Variants in USH2A observed in about 807,000 individuals in gnomAD.
The protein encoded by USH2A is usherin.
In USH2A, 443 loss-of-function variants were observed where a neutral mutation model predicts 538.9. That is an observed-to-expected ratio of 0.82 (90% CI 0.76 to 0.89). USH2A has a LOEUF of 0.89. Among genes scored for constraint, USH2A ranks in the 40% least tolerant of loss-of-function variants. The probability of loss-of-function intolerance (pLI) is 0.00; values close to 1 mark genes in which losing one functional copy is unlikely to be tolerated. For synonymous variants in USH2A, 2,413 were observed against 2,273.5 expected, an observed-to-expected ratio of 1.06 and a Z score of -1.75; for missense variants, 6,633 against 6,324.8, an observed-to-expected ratio of 1.05 and a Z score of -1.65.
Position 215,879,095 on chromosome 1 carries a change from T to G in USH2A, c.8227A>C (p.Thr2743Pro). 6.2e-7 allele frequency: 1 copy of G among 1,612,496 alleles called. No individual in the cohort carries two copies. Among genetic ancestry groups the G allele is most frequent in the Non-Finnish European group, 8.5e-7 (1 of 1,178,728 alleles). Residue 2743 changes from threonine to proline, a missense_variant, in exon 42 of 72, where the codon ACT becomes CCT. Thr to Pro is a conservative substitution (Grantham distance 38). Transcript: ENST00000307340. The stretch of plus-strand genomic sequence containing the variant: ...TTCTGGATGAGTGGGGGTTTCCAAG[T>G]GACCTGAAATGAAAGATAAACTTAG... The part of the protein sequence containing the change: ...TVLEPDAVQV[T>P]WKPPLIQNGD...
intron 3 of USH2A, among the ~76,000 whole-genome samples, chr1:216,399,629 G>T (rs2102758389): frequency 6.6e-6 from 1 of 152,174 alleles, no homozygotes; most frequent in South Asian, 2.1e-4. Flanking sequence ...GAGACCAGCA[G>T]GAAGCTCAGC....
intron 64 of USH2A, among the ~76,000 whole-genome samples, chr1:215,656,607 T>C (rs898478777): frequency 2.0e-5 from 3 of 152,238 alleles, no homozygotes; most frequent in Non-Finnish European, 4.4e-5. Flanking sequence ...TGGAGCAATT[T>C]GAGATTTTTG....
At position 216,119,402 on chromosome 1, in the gene USH2A, G is replaced by A. The variant is rs540583330; in HGVS notation, c.4628-22189C>T. ...GGAACTGAGTTGTTTAGCTTTGTGA[G>A]TATCAGTTGCTACTCTAATATTACA... On this transcript the variant is annotated intron_variant, in intron 21 of 71. Transcript: ENST00000307340. Among the ~76,000 whole-genome samples, 8 of 151,832 alleles carry A rather than the reference G, an allele frequency of 5.3e-5. No individual in the cohort carries two copies. In the East Asian group the frequency reaches 1.6e-3, roughly 29 times the overall value.
At chr1:215,733,141 G>A (rs1251564083) in intron 60 of USH2A, among the ~76,000 whole-genome samples, 4 of 142,092 alleles carry the variant, frequency 2.8e-5, no homozygotes, top group South Asian at 4.8e-4. Flanking sequence ...ATGATGGAAG[G>A]TGAAGAAAGA....
chr1:216,097,494 C>T (rs1436378308), intron 21 of USH2A, among the ~76,000 whole-genome samples: 1 of 152,102 alleles, frequency 6.6e-6, no homozygotes, highest in South Asian at 2.1e-4. Context: ...TATTGTCAAC[C>T]CAAAATTGGA....
chr1:216,370,247 G>C (rs2038680764), intron 3 of USH2A, among the ~76,000 whole-genome samples: 1 of 151,946 alleles, frequency 6.6e-6, no homozygotes, highest in Admixed American at 6.6e-5. Context: ...TGTAATTACA[G>C]CTACTTGGGA....
intron 47 of USH2A, among the ~76,000 whole-genome samples, chr1:215,823,849 G>A (rs1222933131): frequency 6.6e-6 from 1 of 151,890 alleles, no homozygotes; most frequent in Non-Finnish European, 1.5e-5. Context: ...TTCAGCAGAT[G>A]TATTTCTCAG....
chr1:216,005,102 T>C (rs185111434), intron 32 of USH2A, among the ~76,000 whole-genome samples: 5 of 152,232 alleles, frequency 3.3e-5, no homozygotes, highest in Non-Finnish European at 4.4e-5. Flanking sequence ...GATGTAACAT[T>C]CTCCCTATTT....
chr1:215,833,692 T>A (rs1663393761), intron 47 of USH2A, among the ~76,000 whole-genome samples: 1 of 151,918 alleles, frequency 6.6e-6, no homozygotes, highest in Non-Finnish European at 1.5e-5. Flanking sequence ...AAGTAACAAA[T>A]CTAACTCTCT....
chr1:216,349,771 A>C (rs535294264), intron 4 of USH2A, among the ~76,000 whole-genome samples: 1 of 152,326 alleles, frequency 6.6e-6, no homozygotes, highest in Admixed American at 6.5e-5. Flanking sequence ...GGCAACCAGC[A>C]GTCCTTGGGG....
intron 61 of USH2A, among the ~76,000 whole-genome samples, chr1:215,681,472 G>C (rs1406907326): frequency 6.6e-6 from 1 of 152,128 alleles, no homozygotes; most frequent in East Asian, 1.9e-4. Context: ...TTAGATGTTT[G>C]AATGTGATAC....
At chr1:216,203,954 G>A (rs1213013585) in intron 16 of USH2A, 1 of 160,666 alleles carries the variant, frequency 6.2e-6, no homozygotes, top group Non-Finnish European at 1.5e-5. Context: ...TGAATCTGGG[G>A]AGTCAGGGTG....
At chr1:216,386,555 A>G (rs1054039007) in intron 3 of USH2A, among the ~76,000 whole-genome samples, 3 of 148,074 alleles carry the variant, frequency 2.0e-5, no homozygotes, top group Non-Finnish European at 4.5e-5. Flanking sequence ...ATATATATAT[A>G]TATATATATA....
intron 61 of USH2A, among the ~76,000 whole-genome samples, chr1:215,688,884 G>A (rs1658515264): frequency 6.6e-6 from 1 of 152,094 alleles, no homozygotes; most frequent in Non-Finnish European, 1.5e-5. Flanking sequence ...GGTCAAGAGA[G>A]GGAGGGGAGA....
At position 215,956,023 on chromosome 1, in the gene USH2A, T is replaced by G. The variant is rs183784806; in HGVS notation, c.7120+9294A>C. On this transcript the variant is annotated intron_variant, in intron 37 of 71. Coordinates refer to ENST00000307340, the MANE Select transcript of USH2A (RefSeq NM_206933.4). Reference sequence around the variant, plus strand: ...GCTAGAGAAGGACATTGGCCCCAGATGGCTAGATTTTTTTTCTATTTCTCT... The same window carrying G: ...GCTAGAGAAGGACATTGGCCCCAGAGGGCTAGATTTTTTTTCTATTTCTCT... Among the ~76,000 whole-genome samples the G allele has an allele frequency of 1.4e-3, 209 of 152,254 alleles. 2 individuals carry two copies. Among genetic ancestry groups the G allele is most frequent in the Admixed American group, 6.1e-3 (94 of 15,290 alleles).
intron 3 of USH2A, among the ~76,000 whole-genome samples, chr1:216,403,809 G>A (rs1470453324): frequency 2.0e-5 from 3 of 152,142 alleles, no homozygotes; most frequent in South Asian, 4.1e-4. Context: ...TGTCTAGGGA[G>A]GCACCTGGCG....
At chr1:216,060,778 C>T (rs17646617) in intron 30 of USH2A, among the ~76,000 whole-genome samples, 268 of 152,174 alleles carry the variant, frequency 1.8e-3, no homozygotes, top group Non-Finnish European at 3.1e-3. Context: ...AAAAATAATT[C>T]GTATATGTGC....
chr1:216,035,086 A>G (rs1006303132), intron 32 of USH2A, among the ~76,000 whole-genome samples: 5 of 152,174 alleles, frequency 3.3e-5, no homozygotes, highest in African/African-American at 1.2e-4. Context: ...GTGAACACAC[A>G]CCTTAAATTC....
rs753567414 is a variant in USH2A at position 215,965,325 on chromosome 1, A to G, written c.7112T>C (p.Val2371Ala). ...HSVLFTGIFY[V>A]DPVGNNYTLL... The stretch of plus-strand genomic sequence containing the variant: ...AAATAAAAACAAATTACCTGGGTCT[A>G]CATAGAATATCCCAGTGAAAAGGAC... The change falls in exon 37 of 72, where the codon GTA becomes GCA. Residue 2371 changes from valine to alanine, a missense_variant. Val to Ala is a moderately conservative substitution (Grantham distance 64, BLOSUM62 0). Coordinates refer to ENST00000307340, the MANE Select transcript of USH2A (RefSeq NM_206933.4). The G allele has an allele frequency of 1.2e-6, 2 of 1,613,582 alleles. No individual in the cohort carries two copies. The highest frequency in any genetic ancestry group is 8.5e-7 in the Non-Finnish European group (1 of 1,179,660).
Sources: gnomAD v4.1 joint callset for allele counts (sites outside exome capture counted in the v4.1 genomes callset) on GRCh38, gnomAD v4.1.1 for gene constraint, MANE v1.5 for transcripts, NCBI Gene and HGNC (gene_info 2026-07-23, HGNC 2026-07-21) for gene names.